Variants in TBC1D22A observed in about 807,000 individuals in gnomAD.
TBC1D22A encodes putative GTPase activator.
In TBC1D22A, 38 loss-of-function variants were observed where a neutral mutation model predicts 60.2. The observed-to-expected ratio is 0.63, with a 90% CI of 0.49 to 0.83. TBC1D22A has a LOEUF of 0.83. Among genes scored for constraint, TBC1D22A ranks in the 40% least tolerant of loss-of-function variants. The probability of loss-of-function intolerance (pLI) is 0.00; values close to 1 mark genes in which losing one functional copy is unlikely to be tolerated. For missense variants in TBC1D22A, 628 were observed against 701.0 expected (o/e 0.90, Z 1.18); for synonymous variants, 302 against 281.7 (o/e 1.07, Z -0.72).
chr22:46,938,324 TG>T (rs899307799), intron 8 of TBC1D22A, among the ~76,000 whole-genome samples: 13 of 152,218 alleles, frequency 8.5e-5, no homozygotes, highest in African/African-American at 3.1e-4. Flanking sequence ...AGTAACACGC[TG>T]CACAGGTTTG....
chr22:47,069,712 GGTCCTGGCT>G (rs1205463352), intron 11 of TBC1D22A, among the ~76,000 whole-genome samples: 1 of 113,900 alleles, frequency 8.8e-6, no homozygotes, highest in Non-Finnish European at 1.8e-5. Flanking sequence ...CTGACCTGAC[GGTCCTGGCT>G]GTTCCCGGTT....
intron 8 of TBC1D22A, among the ~76,000 whole-genome samples, chr22:46,950,292 G>A (rs1225974524): frequency 4.6e-5 from 7 of 152,210 alleles, no homozygotes; most frequent in Admixed American, 4.6e-4. Context: ...GGGTAGAGTT[G>A]CCATTCCTGA....
intron 7 of TBC1D22A, among the ~76,000 whole-genome samples, chr22:46,909,455 G>A (rs2069740900): frequency 6.6e-6 from 1 of 152,168 alleles, no homozygotes; most frequent in Non-Finnish European, 1.5e-5. Flanking sequence ...AGGATGCCGT[G>A]TGGCGACAGA....
chr22:46,862,166 T>C (rs1464521590), intron 4 of TBC1D22A, among the ~76,000 whole-genome samples: 1 of 152,090 alleles, frequency 6.6e-6, no homozygotes, highest in African/African-American at 2.4e-5. Context: ...GTGTGAAGAT[T>C]GGGTGGAACG....
At chr22:46,837,136 A>G (rs2086559155) in intron 4 of TBC1D22A, among the ~76,000 whole-genome samples, 1 of 152,208 alleles carries the variant, frequency 6.6e-6, no homozygotes, top group Non-Finnish European at 1.5e-5. Context: ...AGAAACAAAA[A>G]AAGTGTCACA....
chr22:46,847,371 C>A (rs1450262819), intron 4 of TBC1D22A, among the ~76,000 whole-genome samples: 1 of 152,220 alleles, frequency 6.6e-6, no homozygotes, highest in African/African-American at 2.4e-5. Flanking sequence ...GTTTACATAT[C>A]TACCAGTATC....
At chr22:47,110,554 C>T (rs764114934) in intron 11 of TBC1D22A, among the ~76,000 whole-genome samples, 10 of 152,154 alleles carry the variant, frequency 6.6e-5, no homozygotes, top group African/African-American at 1.7e-4. Context: ...GGCGATTGAC[C>T]GTTGTACTGA....
intron 8 of TBC1D22A, among the ~76,000 whole-genome samples, chr22:46,926,744 G>C (rs955875424): frequency 6.6e-6 from 1 of 152,082 alleles, no homozygotes; most frequent in African/African-American, 2.4e-5. Context: ...ACTGCCTCAC[G>C]GGAAATCCTG....
intron 4 of TBC1D22A, among the ~76,000 whole-genome samples, chr22:46,867,593 T>G (rs1460992039): frequency 6.6e-6 from 1 of 152,230 alleles, no homozygotes; most frequent in Non-Finnish European, 1.5e-5. Flanking sequence ...GCATTACCAG[T>G]TGTTAACCAT....
chr22:47,098,453 C>T (rs556134105), intron 11 of TBC1D22A, among the ~76,000 whole-genome samples: 2 of 152,332 alleles, frequency 1.3e-5, no homozygotes, highest in South Asian at 2.1e-4. Context: ...ATTGTGGGGC[C>T]GCACCACAGG....
At chr22:46,910,394 G>C (rs1214809400) in intron 7 of TBC1D22A, among the ~76,000 whole-genome samples, 1 of 152,166 alleles carries the variant, frequency 6.6e-6, no homozygotes, top group Non-Finnish European at 1.5e-5. Flanking sequence ...AGCCCAGTAA[G>C]ATTTAGGATT....
At chr22:46,836,829 A>G (rs2086543114) in intron 4 of TBC1D22A, among the ~76,000 whole-genome samples, 1 of 152,172 alleles carries the variant, frequency 6.6e-6, no homozygotes, top group Non-Finnish European at 1.5e-5. Context: ...AGGGGTGACT[A>G]TCTTTATATC....
Position 47,148,197 on chromosome 22 carries a change from G to A in TBC1D22A, c.1426-25301G>A, listed in dbSNP as rs374807162. 5.5e-4 allele frequency among the ~76,000 whole-genome samples: 84 copies of A among 152,228 alleles called. 3 individuals are homozygous for A. The East Asian group carries it at 8.9e-3, about 16-fold the overall frequency. Reference sequence around the variant, plus strand: ...ACCCCATCGGACAGGTGGGATTCCCGTGGATAAAGTGCCCCCGGCAGGTGT... The same window carrying A: ...ACCCCATCGGACAGGTGGGATTCCCATGGATAAAGTGCCCCCGGCAGGTGT... On this transcript the variant is annotated intron_variant, in intron 12 of 12. Coordinates refer to ENST00000337137, the MANE Select transcript of TBC1D22A (RefSeq NM_014346.5).
At chr22:46,890,339 A>G (rs2068333006) in intron 5 of TBC1D22A, among the ~76,000 whole-genome samples, 1 of 152,204 alleles carries the variant, frequency 6.6e-6, no homozygotes, top group South Asian at 2.1e-4. Flanking sequence ...CTCTGTCTCA[A>G]AATAAATGAA....
chr22:46,984,821 A>T (rs1005852022), intron 9 of TBC1D22A, among the ~76,000 whole-genome samples: 15 of 152,238 alleles, frequency 9.9e-5, no homozygotes, highest in African/African-American at 3.1e-4. Flanking sequence ...GGCCAGGCCC[A>T]TGACTCGGGG....
intron 12 of TBC1D22A, among the ~76,000 whole-genome samples, chr22:47,125,640 G>A (rs2147100793): frequency 6.6e-6 from 1 of 152,344 alleles, no homozygotes; most frequent in African/African-American, 2.4e-5. Flanking sequence ...AGACTCTGGG[G>A]TGACTTGCAG....
chr22:46,927,487 A>C (rs1001651257), intron 8 of TBC1D22A, among the ~76,000 whole-genome samples: 4 of 152,240 alleles, frequency 2.6e-5, no homozygotes, highest in Non-Finnish European at 4.4e-5. Flanking sequence ...TTCTGTGACT[A>C]ACATCATGCT....
intron 4 of TBC1D22A, among the ~76,000 whole-genome samples, chr22:46,806,427 G>A (rs976363554): frequency 1.4e-5 from 2 of 145,864 alleles, no homozygotes; most frequent in African/African-American, 5.1e-5. Flanking sequence ...AGTACTGAAA[G>A]CTGCCGAGAA....
intron 1 of TBC1D22A, among the ~76,000 whole-genome samples, chr22:46,770,468 C>T (rs1282232395): frequency 6.6e-6 from 1 of 152,360 alleles, no homozygotes. Flanking sequence ...TAATTTGTTA[C>T]AGCAGCTGTG....
Sources: gnomAD v4.1 joint callset for allele counts (sites outside exome capture counted in the v4.1 genomes callset) on GRCh38, gnomAD v4.1.1 for gene constraint, MANE v1.5 for transcripts, NCBI Gene and HGNC (gene_info 2026-07-23, HGNC 2026-07-21) for gene names.